The following SLC38A6 variants were observed in gnomAD, a reference collection of about 807,000 sequenced individuals.
SLC38A6 encodes the protein N system amino acid transporter NAT-1.
SLC38A6 carries 73 observed loss-of-function variants against 65.0 expected under a neutral mutation model. The observed-to-expected ratio is 1.12, with a 90% CI of 0.93 to 1.37. The LOEUF (loss-of-function observed/expected upper bound fraction) is 1.37. Among genes scored for constraint, SLC38A6 ranks in the 40% most tolerant of loss-of-function variants. The probability of loss-of-function intolerance (pLI) is 0.00; values close to 1 mark genes in which losing one functional copy is unlikely to be tolerated. For synonymous variants in SLC38A6, 183 were observed against 178.8 expected, an observed-to-expected ratio of 1.02 and a Z score of -0.19; for missense variants, 561 against 531.1, an observed-to-expected ratio of 1.06 and a Z score of -0.55.
chr14:61,070,878 G>C (rs1355929952), intron 15 of SLC38A6, among the ~76,000 whole-genome samples: 1 of 151,942 alleles, frequency 6.6e-6, no homozygotes, highest in African/African-American at 2.4e-5. Context: ...CATGTCCTTT[G>C]CCCATTTTAA....
At chr14:60,994,231 A>G (rs749577065) in intron 3 of SLC38A6, among the ~76,000 whole-genome samples, 8 of 152,244 alleles carry the variant, frequency 5.3e-5, no homozygotes, top group African/African-American at 9.6e-5. Context: ...TATTTGTACA[A>G]TGGGATATTA....
chr14:61,006,344 A>C (rs1440086882), intron 3 of SLC38A6, among the ~76,000 whole-genome samples: 1 of 152,246 alleles, frequency 6.6e-6, no homozygotes, highest in Non-Finnish European at 1.5e-5. Flanking sequence ...TAATTAAACT[A>C]AAGAGCTTCT....
At chr14:61,054,066 G>C (rs1017716495), downstream of SLC38A6, among the ~76,000 whole-genome samples, 2 of 152,112 alleles carry the variant, frequency 1.3e-5, no homozygotes, top group Non-Finnish European at 2.9e-5. Flanking sequence ...TATAAGGAAA[G>C]GGTACAGCTT....
At chr14:61,050,247 G>T (rs943219382) in intron 12 of SLC38A6, among the ~76,000 whole-genome samples, 2 of 152,106 alleles carry the variant, frequency 1.3e-5, no homozygotes, top group African/African-American at 4.8e-5. Context: ...TTATGGAAAA[G>T]TTCCAAAGAG....
intron 3 of SLC38A6, among the ~76,000 whole-genome samples, chr14:60,992,813 G>A (rs369475821): frequency 1.3e-5 from 2 of 151,436 alleles, no homozygotes; most frequent in South Asian, 2.1e-4. Flanking sequence ...CAGCCCTCTG[G>A]CATCTTAAGA....
At chr14:61,058,002 C>G (rs1030397263) in intron 15 of SLC38A6, among the ~76,000 whole-genome samples, 251 of 137,886 alleles carry the variant, frequency 1.8e-3, no homozygotes, top group African/African-American at 6.7e-3. Flanking sequence ...CTATTTGATT[C>G]TTCTCTCTTT....
chr14:61,071,874 C>T (rs1173419455), intron 15 of SLC38A6, among the ~76,000 whole-genome samples: 1 of 152,078 alleles, frequency 6.6e-6, no homozygotes, highest in Non-Finnish European at 1.5e-5. Context: ...GTAGTTGGTG[C>T]TCAGTAAATA....
chr14:61,009,435 G>C (rs768613771), intron 3 of SLC38A6, among the ~76,000 whole-genome samples: 3 of 151,962 alleles, frequency 2.0e-5, no homozygotes, highest in African/African-American at 7.3e-5. Flanking sequence ...TGTACACAAC[G>C]TGCAGGTTTG....
At chr14:61,030,334 C>A in intron 5 of SLC38A6, 111 bp from the exon 6 acceptor site, 10 of 643,290 alleles carry the variant, frequency 1.6e-5, no homozygotes, top group East Asian at 9.2e-5. Context: ...ATATGTTAAT[C>A]TTCCATATGT....
At chr14:60,981,545 G>T (rs2037021668) in intron 1 of SLC38A6, 163 bp downstream of exon 1, 1 of 1,531,078 alleles carries the variant, frequency 6.5e-7, no homozygotes, top group Non-Finnish European at 8.7e-7. Flanking sequence ...ATTCAGATGA[G>T]ATTGGCGCAG....
At chr14:61,066,994 G>T (rs1566727944) in intron 15 of SLC38A6, among the ~76,000 whole-genome samples, 1 of 151,968 alleles carries the variant, frequency 6.6e-6, no homozygotes, top group Non-Finnish European at 1.5e-5. Context: ...CATACATCTT[G>T]CTTGAAAAAA....
At chr14:60,982,149 C>T (rs1427458600) in intron 1 of SLC38A6, 1 of 461,786 alleles carries the variant, frequency 2.2e-6, no homozygotes, top group Non-Finnish European at 4.3e-6. Context: ...CAGGTTGACT[C>T]AGCAATTCTT....
chr14:61,003,896 T>C (rs1237858595), intron 3 of SLC38A6, among the ~76,000 whole-genome samples: 1 of 152,160 alleles, frequency 6.6e-6, no homozygotes. Context: ...AATTAGGATT[T>C]GACCATTGTA....
chr14:61,063,513 C>A (rs895944320), intron 15 of SLC38A6, among the ~76,000 whole-genome samples: 1 of 152,164 alleles, frequency 6.6e-6, no homozygotes, highest in Non-Finnish European at 1.5e-5. Flanking sequence ...GCTCTCCTCC[C>A]ATGAAATTCT....
intron 2 of SLC38A6, among the ~76,000 whole-genome samples, chr14:60,983,950 C>G (rs540325063): frequency 6.6e-6 from 1 of 152,022 alleles, no homozygotes; most frequent in Non-Finnish European, 1.5e-5. Flanking sequence ...GACATTTGTA[C>G]TTTTACCTCT....
intron 9 of SLC38A6, 82 bp from the exon 10 acceptor site, chr14:61,043,368 A>G (rs2041927629): frequency 2.5e-6 from 3 of 1,221,720 alleles, no homozygotes; most frequent in Non-Finnish European, 3.5e-6. Context: ...GCCTAGTAAT[A>G]ATAAATTCAT....
intron 5 of SLC38A6, among the ~76,000 whole-genome samples, chr14:61,025,992 G>T (rs1449392386): frequency 6.6e-6 from 1 of 152,116 alleles, no homozygotes; most frequent in Non-Finnish European, 1.5e-5. Context: ...AAGAATTGCT[G>T]AACTTCCCCC....
At chr14:61,080,697 C>T (rs1274198140) in intron 16 of SLC38A6, among the ~76,000 whole-genome samples, 4 of 152,172 alleles carry the variant, frequency 2.6e-5, no homozygotes, top group Admixed American at 2.0e-4. Context: ...ACCCGGGGGC[C>T]CAGGCCCAGT....
chr14:61,019,436 C>T, intron 4 of SLC38A6, 105 bp from the exon 5 acceptor site: 1 of 1,081,340 alleles, frequency 9.2e-7, no homozygotes, highest in African/African-American at 1.6e-5. Context: ...CTCCTCACAA[C>T]TTCTGCATCT....
Sources: gnomAD v4.1 joint callset for allele counts (sites outside exome capture counted in the v4.1 genomes callset) on GRCh38, gnomAD v4.1.1 for gene constraint, MANE v1.5 for transcripts, NCBI Gene and HGNC (gene_info 2026-07-23, HGNC 2026-07-21) for gene names.